Variants in PRKX observed in about 807,000 individuals in gnomAD.
The protein encoded by PRKX is cAMP-dependent protein kinase catalytic subunit PRKX.
In PRKX, 12 loss-of-function variants were observed where a neutral mutation model predicts 22.0. The observed-to-expected ratio is 0.54, with a 90% CI of 0.35 to 0.88. The LOEUF (loss-of-function observed/expected upper bound fraction) is 0.88. Among genes scored for constraint, PRKX ranks in the 40% least tolerant of loss-of-function variants. The probability of loss-of-function intolerance (pLI) is 0.01; values close to 1 mark genes in which losing one functional copy is unlikely to be tolerated. For synonymous variants in PRKX, 134 were observed against 137.7 expected (o/e 0.97, Z 0.19); for missense variants, 217 against 308.0 (o/e 0.70, Z 2.21).
At chrX:3,617,122 A>G (rs1287700121) in intron 6 of PRKX, among the ~76,000 whole-genome samples, 2 of 97,176 alleles carry the variant, frequency 2.1e-5, no homozygotes, top group Non-Finnish European at 4.1e-5. Context: ...ACGTTAATAT[A>G]TACACACATA....
chrX:3,646,673 T>C (rs1927194754), intron 3 of PRKX, among the ~76,000 whole-genome samples: 1 of 111,191 alleles, frequency 9.0e-6, no homozygotes, highest in African/African-American at 3.3e-5. Context: ...TGTGGGGTTT[T>C]TCATAAAAAG....
chrX:3,713,052 C>T, intron 1 of PRKX, 36 bp downstream of exon 1: 4 of 1,139,680 alleles, frequency 3.5e-6, no homozygotes, highest in Non-Finnish European at 4.6e-6. Flanking sequence ...ACGCCGCGCG[C>T]CCCTGTGGGC....
chrX:3,639,435 GGGTGGATGGATGAA>G, intron 4 of PRKX, among the ~76,000 whole-genome samples: 1 of 33,781 alleles, frequency 3.0e-5, no homozygotes, highest in South Asian at 1.9e-3. Flanking sequence ...GAAGGGGTGG[GGGTGGATGGATGAA>G]GGGGTGGGGG....
At chrX:3,691,958 G>A (rs1488963438) in intron 1 of PRKX, among the ~76,000 whole-genome samples, 1 of 109,739 alleles carries the variant, frequency 9.1e-6, no homozygotes, top group Non-Finnish European at 1.9e-5. Context: ...TTGATTGGAT[G>A]GATGGATGGA....
At chrX:3,661,446 A>C (rs770954077) in intron 2 of PRKX, among the ~76,000 whole-genome samples, 7 of 110,201 alleles carry the variant, frequency 6.4e-5, no homozygotes, top group African/African-American at 2.3e-4. Context: ...GTCTCTGCAA[A>C]AAATAAAAAG....
At chrX:3,699,852 A>G (rs12840459) in intron 1 of PRKX, among the ~76,000 whole-genome samples, 48,447 of 111,138 alleles carry the variant, frequency 0.44, 8,211 homozygotes, top group African/African-American at 0.59. Context: ...CCCGGAACTC[A>G]CACAGCTGTC....
At position 3,699,579 on chromosome X, in the gene PRKX, C is replaced by A. The variant is rs1603474818; in HGVS notation, c.166+13509G>T. On this transcript the variant is annotated intron_variant, in intron 1 of 8. Transcript: ENST00000262848. ...ATTATGGCCAGGATGGTCTCAAACT[C>A]CTGACCTCAGGTGATCCACCCGCCT... is the stretch of plus-strand genomic sequence containing the variant. 9.0e-5 allele frequency among the ~76,000 whole-genome samples: 10 copies of A among 111,624 alleles called. No homozygotes were observed. The South Asian group carries it at 3.7e-3, about 41-fold the overall frequency.
intron 6 of PRKX, among the ~76,000 whole-genome samples, chrX:3,618,749 G>A (rs1465425548): frequency 3.6e-5 from 4 of 111,566 alleles, no homozygotes; most frequent in Non-Finnish European, 3.8e-5. Context: ...TCCTTTGATT[G>A]GGAAACTTGT....
At position 3,713,409 on chromosome X, in the gene PRKX, C is replaced by A; in HGVS notation, c.-156G>T. On this transcript the variant is annotated 5_prime_UTR_variant, in exon 1 of 9. Transcript: ENST00000262848. Reference sequence around the variant, plus strand: ...CTGGTGCGCGGTCCGGCGCGGCTGACGGAGCGACGGGGACAATGGCTGGGC... The same window carrying A: ...CTGGTGCGCGGTCCGGCGCGGCTGAAGGAGCGACGGGGACAATGGCTGGGC... The A allele has an allele frequency of 2.5e-6, 1 of 406,334 alleles. No individual in the cohort carries two copies. The highest frequency in any genetic ancestry group is 3.6e-6 in the Non-Finnish European group (1 of 274,083). The allele number at this position is 406,334 out of a possible 1,213,427, so 33.5% of individuals were successfully genotyped here.
intron 1 of PRKX, among the ~76,000 whole-genome samples, chrX:3,688,643 A>C (rs767907740): frequency 3.6e-5 from 4 of 110,400 alleles, no homozygotes; most frequent in South Asian, 7.8e-4. Flanking sequence ...CAGAAGGATC[A>C]CTTGAGCCCA....
At position 3,641,717 on chromosome X, in the gene PRKX, T is replaced by G. The variant is rs1603473784; in HGVS notation, c.719+135A>C. On this transcript the variant is annotated intron_variant, in intron 4 of 8. Transcript: ENST00000262848. ...GCCAACCTCAGCAGGGCAGCAGATG[T>G]GTGTGCAGCCACACTGTGTGTTTGC... 3 of 222,976 alleles carry G rather than the reference T, an allele frequency of 1.3e-5. No individual in the cohort carries two copies. The East Asian group carries it at 2.7e-4, about 20-fold the overall frequency. The allele number at this position is 222,976 out of a possible 1,213,427, so 18.4% of individuals were successfully genotyped here. A position where few individuals can be genotyped will look rare whatever the true frequency, so the allele number is the denominator to read the frequency against.
At chrX:3,647,893 C>A (rs1052939088) in intron 3 of PRKX, among the ~76,000 whole-genome samples, 2 of 110,276 alleles carry the variant, frequency 1.8e-5, no homozygotes, top group African/African-American at 6.6e-5. Flanking sequence ...TGCACCTCCC[C>A]GGCCCCTGGC....
At chrX:3,678,060 C>T (rs2146596956) in intron 1 of PRKX, among the ~76,000 whole-genome samples, 1 of 111,658 alleles carries the variant, frequency 9.0e-6, no homozygotes, top group South Asian at 3.8e-4. Flanking sequence ...TGAACTGATA[C>T]AGTTTAGGTG....
chrX:3,662,817 G>T (rs909132550), intron 2 of PRKX, among the ~76,000 whole-genome samples: 4 of 107,373 alleles, frequency 3.7e-5, no homozygotes, highest in South Asian at 4.2e-4. Flanking sequence ...GATCAGCCTG[G>T]GCAACATAGC....
At chrX:3,713,038 G>A (rs1440649271) in intron 1 of PRKX, 50 bp downstream of exon 1, 8 of 1,124,509 alleles carry the variant, frequency 7.1e-6, no homozygotes, top group Non-Finnish European at 9.3e-6. Context: ...ACAACGTCCC[G>A]GCCACGCCGC....
chrX:3,689,931 G>T (rs181234319), intron 1 of PRKX, among the ~76,000 whole-genome samples: 65 of 110,601 alleles, frequency 5.9e-4, no homozygotes, highest in African/African-American at 1.6e-3. Flanking sequence ...GAGCCGAGAT[G>T]GCACCACTGC....
intron 1 of PRKX, among the ~76,000 whole-genome samples, chrX:3,693,850 G>C (rs992096866): frequency 2.8e-4 from 29 of 103,665 alleles, no homozygotes; most frequent in Non-Finnish European, 2.1e-4. Context: ...TGAGGCAGGA[G>C]AATGGCGTGA....
chrX:3,676,539 T>C, intron 1 of PRKX, among the ~76,000 whole-genome samples: 1 of 112,148 alleles, frequency 8.9e-6, no homozygotes, highest in Non-Finnish European at 1.9e-5. Context: ...ATATACACGA[T>C]GGAATACCAT....
intron 1 of PRKX, among the ~76,000 whole-genome samples, 157 bp downstream of exon 1, chrX:3,712,931 C>A (rs1230638484): frequency 8.9e-6 from 1 of 112,635 alleles, no homozygotes; most frequent in Non-Finnish European, 1.9e-5. Context: ...CCGGGAAGAC[C>A]CGGGGCGCAG....
Sources: allele counts gnomAD v4.1 joint callset (sites outside exome capture counted in the v4.1 genomes callset), GRCh38; gene constraint gnomAD v4.1.1; transcripts MANE v1.5; gene names NCBI Gene and HGNC (gene_info 2026-07-23, HGNC 2026-07-21).